The following FAM178B variants were observed in gnomAD, a reference collection of about 807,000 sequenced individuals.
FAM178B encodes the protein family with sequence similarity 178 member B.
FAM178B carries 82 observed loss-of-function variants against 91.7 expected under a neutral mutation model. That is an observed-to-expected ratio of 0.89 (90% CI 0.75 to 1.07). The LOEUF (loss-of-function observed/expected upper bound fraction) is 1.07, where lower values mean the gene tolerates loss of function less well. Among genes scored for constraint, FAM178B ranks in the 50% least tolerant of loss-of-function variants. The probability of loss-of-function intolerance (pLI) is 0.00; values close to 1 mark genes in which losing one functional copy is unlikely to be tolerated. For missense variants in FAM178B, 769 were observed against 846.7 expected (o/e 0.91, Z 1.14); for synonymous variants, 368 against 359.4 (o/e 1.02, Z -0.27).
chr2:96,902,128 T>TG, intron 13 of FAM178B, among the ~76,000 whole-genome samples: 2 of 149,120 alleles, frequency 1.3e-5, no homozygotes, highest in Non-Finnish European at 3.0e-5. Flanking sequence ...TTTTTTGAGA[T>TG]GGAGTCTCGC....
At chr2:96,962,412 G>A (rs551416226) in intron 5 of FAM178B, among the ~76,000 whole-genome samples, 1 of 141,578 alleles carries the variant, frequency 7.1e-6, no homozygotes, top group South Asian at 2.2e-4. Flanking sequence ...CCTGGCAACA[G>A]TGCAAGACTT....
chr2:96,920,046 T>TAAGA (rs2081307978), intron 12 of FAM178B, among the ~76,000 whole-genome samples: 1 of 151,830 alleles, frequency 6.6e-6, no homozygotes, highest in Non-Finnish European at 1.5e-5. Context: ...CACAGAGGTG[T>TAAGA]CTGCCAAAGT....
chr2:96,962,440 AAAAAGAAAG>A (rs1559099330), intron 5 of FAM178B, among the ~76,000 whole-genome samples: 17 of 135,282 alleles, frequency 1.3e-4, no homozygotes, highest in East Asian at 2.0e-4. Context: ...AGAAAAAAAA[AAAAAGAAAG>A]AAAGAAAGAA....
At chr2:96,921,116 C>T (rs756604775) in intron 12 of FAM178B, 49 bp downstream of exon 12, 6 of 1,477,298 alleles carry the variant, frequency 4.1e-6, no homozygotes, top group Middle Eastern at 1.8e-4. Flanking sequence ...TACAAGACCC[C>T]GAAGAGATGC....
chr2:96,952,901 A>G (rs1034142006), intron 6 of FAM178B, among the ~76,000 whole-genome samples: 4 of 152,186 alleles, frequency 2.6e-5, no homozygotes, highest in Non-Finnish European at 5.9e-5. Context: ...GCCACCCTAG[A>G]TAAAAAGTTT....
At chr2:96,878,834 G>C (rs1249738116) in intron 14 of FAM178B, among the ~76,000 whole-genome samples, 4 of 152,242 alleles carry the variant, frequency 2.6e-5, no homozygotes, top group Non-Finnish European at 5.9e-5. Flanking sequence ...CGCACCTTCT[G>C]GGGAGAGGGG....
intron 8 of FAM178B, among the ~76,000 whole-genome samples, chr2:96,944,336 T>TA (rs1372121554): frequency 6.6e-6 from 1 of 150,664 alleles, no homozygotes; most frequent in African/African-American, 2.4e-5. Flanking sequence ...TCTTCAGACA[T>TA]AGCCGTGATG....
chr2:96,950,070 C>T, intron 7 of FAM178B: 3 of 985,710 alleles, frequency 3.0e-6, no homozygotes, highest in Non-Finnish European at 3.6e-6. Context: ...GAAGGCTCGT[C>T]TGTGCCTCCC....
chr2:96,978,868 G>A (rs1473924895), intron 1 of FAM178B, among the ~76,000 whole-genome samples: 12 of 151,216 alleles, frequency 7.9e-5, no homozygotes, highest in African/African-American at 2.2e-4. Flanking sequence ...CTCGTGATCC[G>A]CCCGCCTCGG....
intron 14 of FAM178B, among the ~76,000 whole-genome samples, chr2:96,884,916 A>G (rs2080478957): frequency 6.6e-6 from 1 of 152,242 alleles, no homozygotes; most frequent in African/African-American, 2.4e-5. Flanking sequence ...AGAAATGAAG[A>G]CATATAACCG....
At chr2:96,891,819 A>C (rs774363035) in intron 14 of FAM178B, among the ~76,000 whole-genome samples, 10 of 152,146 alleles carry the variant, frequency 6.6e-5, no homozygotes, top group Non-Finnish European at 1.5e-4. Context: ...CCCAGACAGG[A>C]GTGAGAGGGC....
At position 96,929,223 on chromosome 2, in the gene FAM178B, G is replaced by C; in HGVS notation, c.1176C>G (p.Pro392=). The stretch of plus-strand genomic sequence containing the variant: ...GTACTCACCTGCCACCGTGCCAAAA[G>C]GGCCCCAGAGGGTACAGGGCAGGAC... The part of the protein sequence containing the change: ...AHSPALYPLG[P]FWHGGRVLPG... Residue 392 remains proline, a synonymous_variant, in exon 9 of 17, where the codon CCC becomes CCG. Transcript: ENST00000490605. 1.3e-6 allele frequency: 2 copies of C among 1,551,170 alleles called. No homozygotes were observed. The highest frequency in any genetic ancestry group is 1.4e-5 in the African/African-American group (1 of 73,136).
chr2:96,880,385 G>A (rs1411691626), intron 14 of FAM178B, among the ~76,000 whole-genome samples: 12 of 152,140 alleles, frequency 7.9e-5, no homozygotes, highest in African/African-American at 2.9e-4. Flanking sequence ...CTGGGGGGCA[G>A]AGTTGTGGGA....
chr2:96,986,215 C>T lies in FAM178B; in HGVS notation c.73+26G>A, dbSNP rs756103791. 35 of 1,534,092 alleles carry T rather than the reference C, an allele frequency of 2.3e-5. No individual in the cohort carries two copies. The East Asian group carries it at 8.1e-4, about 35-fold the overall frequency. ...TCTGAGCGCTAACCACGCGCCCCTG[C>T]GGTTCCTCGGCCTCAGTTTCCTTAC... On this transcript the variant is annotated intron_variant, in intron 1 of 16. Coordinates refer to ENST00000490605, the MANE Select transcript of FAM178B (RefSeq NM_001122646.3).
At chr2:96,910,683 G>T (rs1269935221) in intron 12 of FAM178B, among the ~76,000 whole-genome samples, 1 of 152,114 alleles carries the variant, frequency 6.6e-6, no homozygotes, top group East Asian at 1.9e-4. Context: ...GCTCTGAGGG[G>T]AGCCCCTGCA....
At chr2:96,881,027 G>A (rs964083703) in intron 14 of FAM178B, among the ~76,000 whole-genome samples, 12 of 152,124 alleles carry the variant, frequency 7.9e-5, no homozygotes, top group South Asian at 2.1e-4. Flanking sequence ...GGTGGTTCAC[G>A]CCTGTAATCC....
chr2:96,876,359 C>A, intron 16 of FAM178B, 51 bp from the exon 17 acceptor site: 1 of 1,566,286 alleles, frequency 6.4e-7, no homozygotes, highest in East Asian at 2.3e-5. Context: ...AGGTGCTGCC[C>A]ACTGCCCTGC....
intron 13 of FAM178B, among the ~76,000 whole-genome samples, chr2:96,900,318 C>G (rs536535954): frequency 2.0e-5 from 3 of 152,234 alleles, no homozygotes; most frequent in African/African-American, 7.2e-5. Context: ...CAGCACCGGT[C>G]ACCTCCTCAC....
Position 96,986,390 on chromosome 2 carries a change from G to A in FAM178B, c.-77C>T, listed in dbSNP as rs1304115797. The A allele has an allele frequency of 3.4e-6, 5 of 1,480,732 alleles. No individual in the cohort carries two copies. Among genetic ancestry groups the A allele is most frequent in the African/African-American group, 2.8e-5 (2 of 70,738 alleles). 91.7% of individuals were successfully genotyped at this position (1,480,732 alleles called of 1,614,324 possible). A position where few individuals can be genotyped will look rare whatever the true frequency, so the allele number is the denominator to read the frequency against. ...CGGCCTCAGAGGACGGGGCCAGCTA[G>A]CCGGGAAAGGAAGCAGGAGCAGGCT... is the stretch of plus-strand genomic sequence containing the variant. On this transcript the variant is annotated 5_prime_UTR_variant, in exon 1 of 17. Coordinates refer to ENST00000490605, the MANE Select transcript of FAM178B (RefSeq NM_001122646.3).
Sources: gnomAD v4.1 joint callset for allele counts (sites outside exome capture counted in the v4.1 genomes callset) on GRCh38, gnomAD v4.1.1 for gene constraint, MANE v1.5 for transcripts, NCBI Gene and HGNC (gene_info 2026-07-23, HGNC 2026-07-21) for gene names.